The following ELP1 variants were observed in gnomAD, a reference collection of about 807,000 sequenced individuals.
ELP1 encodes the protein elongator acetyltransferase complex subunit 1.
A neutral mutation model predicts 183.2 loss-of-function variants in ELP1; 131 were observed. That is an observed-to-expected ratio of 0.72 (90% CI 0.62 to 0.83). ELP1 has a LOEUF of 0.83. Ranked by LOEUF, ELP1 falls within the 40% of genes least tolerant of loss-of-function variation. ELP1 has a pLI of 0.00. For synonymous variants in ELP1, 555 were observed against 569.0 expected, an observed-to-expected ratio of 0.98 and a Z score of 0.35; for missense variants, 1,550 against 1,594.9, an observed-to-expected ratio of 0.97 and a Z score of 0.48.
intron 10 of ELP1, 142 bp from the exon 11 acceptor site, chr9:108,912,636 ACTGCC>A: frequency 6.0e-6 from 4 of 666,794 alleles, no homozygotes; most frequent in Admixed American, 4.6e-5. Context: ...AACAATAATA[ACTGCC>A]AAAAAATAGC....
In ELP1 at chr9:108,898,647, G is replaced by A. The variant is rs200040705; in HGVS notation, c.2283+24C>T. On this transcript the variant is annotated intron_variant, in intron 21 of 36. Transcript: ENST00000374647. ...TAGTTTAAGTACAAAGTAAGCTAGAGTAAATGACAGCTTAGAAAGTTACCT... is the reference window on the plus strand; with the variant it reads ...TAGTTTAAGTACAAAGTAAGCTAGAATAAATGACAGCTTAGAAAGTTACCT... 8.0e-4 allele frequency: 1,276 copies of A among 1,600,750 alleles called. 3 individuals are homozygous for A. Among genetic ancestry groups the A allele is most frequent in the Middle Eastern group, 1.5e-3 (9 of 5,930 alleles).
chr9:108,895,435 A>G (rs1828503348), intron 25 of ELP1, among the ~76,000 whole-genome samples: 2 of 152,144 alleles, frequency 1.3e-5, no homozygotes, highest in African/African-American at 4.8e-5. Flanking sequence ...GGGTGGAAGC[A>G]GTCAAAGCCC....
chr9:108,896,114 G>A (rs1016663623), intron 25 of ELP1, among the ~76,000 whole-genome samples: 11 of 152,018 alleles, frequency 7.2e-5, no homozygotes, highest in African/African-American at 1.2e-4. Context: ...AAAATTAGCC[G>A]GGCGTGGTGA....
intron 5 of ELP1, 70 bp downstream of exon 5, chr9:108,926,453 A>T: frequency 9.6e-7 from 1 of 1,036,308 alleles, no homozygotes; most frequent in Non-Finnish European, 1.5e-6. Context: ...CATGGCTATT[A>T]GTGCACAAGG....
intron 36 of ELP1, among the ~76,000 whole-genome samples, chr9:108,872,487 T>G (rs764494232): frequency 1.3e-5 from 2 of 152,082 alleles, no homozygotes; most frequent in African/African-American, 2.4e-5. Flanking sequence ...CCAATTAAAG[T>G]TGGAATAAGA....
chr9:108,900,378 A>G lies in ELP1; in HGVS notation c.2015-3T>C. 1 of 1,606,456 alleles carries G rather than the reference A, an allele frequency of 6.2e-7. No individual in the cohort carries two copies. The highest frequency in any genetic ancestry group is 8.5e-7 in the Non-Finnish European group (1 of 1,172,970). On this transcript the variant is annotated splice_region_variant and splice_polypyrimidine_tract_variant and intron_variant, in intron 18 of 36. Coordinates refer to ENST00000374647, the MANE Select transcript of ELP1 (RefSeq NM_003640.5). ...GCTGCTCAGGCCGGCCTGTAATGCT[A>G]AACACACCATTAACTAATAAGCCTT...
rs142186193 is a variant in ELP1, at chr9:108,896,973, T to C, written c.2567A>G (p.Gln856Arg). Residue 856 changes from glutamine (Q) to arginine (R), a missense_variant, in exon 24 of 37, where the codon CAA (glutamine) becomes CGA (arginine). Physicochemically the swap from Gln to Arg is conservative, Grantham distance 43 (BLOSUM62 1). Coordinates refer to ENST00000374647, the MANE Select transcript of ELP1 (RefSeq NM_003640.5). ...KTTPELEIVL[Q>R]KVHELQGNAP... ...TCTACCTTGAAGCTCGTGTACTTTT[T>C]GCAGTACAATTTCCAGTTCTGGGGT... 1.2e-6 allele frequency: 2 copies of C among 1,613,898 alleles called. No homozygotes were observed. Among genetic ancestry groups the C allele is most frequent in the Non-Finnish European group, 1.7e-6 (2 of 1,179,882 alleles).
rs1827325200 is a variant in ELP1 at position 108,868,729 on chromosome 9, T to C, written c.*386A>G. ...TGACCAAATGTAGCACTAATAGCCA[T>C]TGTAATCTTCTCCGCCAACAAAATA... is the stretch of plus-strand genomic sequence containing the variant. On this transcript the variant is annotated 3_prime_UTR_variant, in exon 37 of 37. Transcript: ENST00000374647. 1 of 550,758 alleles carries C rather than the reference T, an allele frequency of 1.8e-6. No individual in the cohort carries two copies. The highest frequency in any genetic ancestry group is 2.9e-5 in the East Asian group (1 of 35,074). 34.1% of individuals were successfully genotyped at this position (550,758 alleles called of 1,614,324 possible).
intron 6 of ELP1, among the ~76,000 whole-genome samples, chr9:108,920,305 G>A (rs75695868): frequency 7.9e-5 from 11 of 139,268 alleles, no homozygotes; most frequent in African/African-American, 2.6e-4. Flanking sequence ...TTTTTGAGAC[G>A]GAGTCTTGCT....
chr9:108,896,928 A>C, intron 24 of ELP1, 25 bp downstream of exon 24: 1 of 1,599,876 alleles, frequency 6.3e-7, no homozygotes, highest in Non-Finnish European at 8.6e-7. Flanking sequence ...CACCTTAAGC[A>C]CTTTCTCTGT....
intron 32 of ELP1, 32 bp from the exon 33 acceptor site, chr9:108,879,589 C>T (rs562930626): frequency 1.6e-5 from 23 of 1,475,260 alleles, no homozygotes; most frequent in South Asian, 2.3e-5. Flanking sequence ...CCGATGAAAA[C>T]ACTGCCTGCT....
chr9:108,928,745 AC>A (rs1829899922), intron 3 of ELP1, among the ~76,000 whole-genome samples: 1 of 152,224 alleles, frequency 6.6e-6, no homozygotes, highest in Non-Finnish European at 1.5e-5. Context: ...AAACAATGCT[AC>A]AAAATGTTTG....
At chr9:108,905,583 T>C (rs189112147) in intron 14 of ELP1, among the ~76,000 whole-genome samples, 247 of 152,264 alleles carry the variant, frequency 1.6e-3, no homozygotes, top group Middle Eastern at 3.4e-3. Context: ...GAAGAAGCAT[T>C]TTGAAGTCAC....
At chr9:108,890,111 T>C (rs1285841352) in intron 28 of ELP1, among the ~76,000 whole-genome samples, 1 of 152,084 alleles carries the variant, frequency 6.6e-6, no homozygotes, top group East Asian at 1.9e-4. Flanking sequence ...CTGTAAAGAA[T>C]AGAAGAGATC....
intron 10 of ELP1, among the ~76,000 whole-genome samples, chr9:108,914,413 AG>A (rs762220846): frequency 0.37 from 33,234 of 89,092 alleles, 4,643 homozygotes; most frequent in Middle Eastern, 0.45. Context: ...AAAAAAAAAA[AG>A]GGGGGGGGGG....
chr9:108,906,599 T>C lies in ELP1; in HGVS notation c.1461-114A>G, dbSNP rs1829031039. 8 of 818,054 alleles carry C rather than the reference T, an allele frequency of 9.8e-6. No individual in the cohort carries two copies. In the South Asian group the frequency reaches 1.0e-4, roughly 10 times the overall value. 50.7% of individuals were successfully genotyped at this position (818,054 alleles called of 1,614,324 possible). On this transcript the variant is annotated intron_variant, in intron 13 of 36. Coordinates refer to ENST00000374647, the MANE Select transcript of ELP1 (RefSeq NM_003640.5). ...TGTATACAGTCCACTCCTAATTATT[T>C]GGAGGGACAAAACCTGAGATACTAC...
rs750152367 is a variant in ELP1, at chr9:108,927,452, A to T, written c.305T>A (p.Leu102Gln). 6.2e-7 allele frequency: 1 copy of T among 1,612,668 alleles called. No individual in the cohort carries two copies. Among genetic ancestry groups the T allele is most frequent in the Non-Finnish European group, 8.5e-7 (1 of 1,178,736 alleles). ...ACTGGCTACACTCCCAACACACTCC[A>T]GCTGAGACAGAGAAAATTGAAAAGA... is the stretch of plus-strand genomic sequence containing the variant. ...VILCSLSTQQ[L>Q]ECVGSVASGI... is the part of the protein sequence containing the mutation. Residue 102 changes from leucine (L) to glutamine (Q), a missense_variant and splice_region_variant, in exon 4 of 37, where the codon CTG (leucine) becomes CAG (glutamine). By Grantham distance (113) the Leu-to-Gln change is moderately radical (BLOSUM62 -2). Transcript: ENST00000374647.
At chr9:108,932,187 C>G (rs1830021811) in intron 1 of ELP1, among the ~76,000 whole-genome samples, 2 of 152,016 alleles carry the variant, frequency 1.3e-5, no homozygotes, top group South Asian at 2.1e-4. Context: ...AAGATAATGT[C>G]AAGTGTCATA....
intron 20 of ELP1, 130 bp downstream of exon 20, chr9:108,899,692 G>T (rs1828695600): frequency 1.5e-6 from 1 of 677,738 alleles, no homozygotes; most frequent in Non-Finnish European, 2.5e-6. Flanking sequence ...GAGCCTCTAA[G>T]AATCTGATTG....
Sources: gnomAD v4.1 joint callset for allele counts (sites outside exome capture counted in the v4.1 genomes callset) on GRCh38, gnomAD v4.1.1 for gene constraint, MANE v1.5 for transcripts, NCBI Gene and HGNC (gene_info 2026-07-23, HGNC 2026-07-21) for gene names.